The following ANK3 variants were observed in gnomAD, a reference collection of about 807,000 sequenced individuals.
ANK3 encodes the protein ankyrin-3.
ANK3 carries 57 observed loss-of-function variants against 370.9 expected under a neutral mutation model. The observed-to-expected ratio is 0.15, with a 90% CI of 0.12 to 0.19. The LOEUF (loss-of-function observed/expected upper bound fraction) is 0.19, where lower values mean the gene tolerates loss of function less well. Ranked by LOEUF, ANK3 falls within the 10% of genes least tolerant of loss-of-function variation. The probability of loss-of-function intolerance (pLI) is 1.00; values close to 1 mark genes in which losing one functional copy is unlikely to be tolerated. For synonymous variants in ANK3, 1,929 were observed against 1,946.3 expected (o/e 0.99, Z 0.23); for missense variants, 4,439 against 5,302.1 (o/e 0.84, Z 5.06).
rs560883914 is a variant in ANK3, at chr10:60,083,147, A to G, written c.4200+345T>C. On this transcript the variant is annotated intron_variant, in intron 33 of 43. Coordinates refer to ENST00000280772, the MANE Select transcript of ANK3 (RefSeq NM_020987.5). The stretch of plus-strand genomic sequence containing the variant: ...AGAACGTCCCTGGGCTCCACCAGAA[A>G]TGAAAATGAAACTTGAATACTGTAT... Among the ~76,000 whole-genome samples, 14 of 152,340 alleles carry G rather than the reference A, an allele frequency of 9.2e-5. No individual in the cohort carries two copies. In the South Asian group the frequency reaches 2.3e-3, roughly 25 times the overall value.
intron 38 of ANK3, among the ~76,000 whole-genome samples, chr10:60,065,904 A>C (rs1407315829): frequency 6.6e-6 from 1 of 152,178 alleles, no homozygotes; most frequent in Non-Finnish European, 1.5e-5. Flanking sequence ...TTATGCATTA[A>C]AACCAAGATC....
chr10:60,080,975 G>A (rs1263877447), intron 35 of ANK3, among the ~76,000 whole-genome samples: 1 of 152,228 alleles, frequency 6.6e-6, no homozygotes, highest in African/African-American at 2.4e-5. Context: ...GGCACACAAA[G>A]TTTATTATTC....
chr10:60,305,225 T>A (rs1034603799), intron 1 of ANK3, among the ~76,000 whole-genome samples: 2 of 152,136 alleles, frequency 1.3e-5, no homozygotes, highest in Non-Finnish European at 2.9e-5. Flanking sequence ...TGATGAAAAT[T>A]GCTGCGTTTT....
chr10:60,681,108 G>A (rs950241908), intron 1 of ANK3, among the ~76,000 whole-genome samples: 3 of 152,106 alleles, frequency 2.0e-5, no homozygotes, highest in African/African-American at 7.2e-5. Context: ...TCCAAGTCCT[G>A]CCAGTTCTAC....
At chr10:60,627,385 T>C (rs557975389) in intron 1 of ANK3, among the ~76,000 whole-genome samples, 2 of 151,224 alleles carry the variant, frequency 1.3e-5, no homozygotes, top group African/African-American at 4.8e-5. Context: ...CTTGACGTCG[T>C]TATTGTCCGT....
At chr10:60,716,866 A>G (rs2079798234) in intron 1 of ANK3, among the ~76,000 whole-genome samples, 1 of 152,156 alleles carries the variant, frequency 6.6e-6, no homozygotes, top group Non-Finnish European at 1.5e-5. Flanking sequence ...TCCATATTCA[A>G]TCTTCATTTA....
At chr10:60,601,170 A>AATGCAC (rs367892273) in intron 2 of ANK3, among the ~76,000 whole-genome samples, 2 of 140,186 alleles carry the variant, frequency 1.4e-5, no homozygotes, top group East Asian at 4.6e-4. Context: ...ACATTTATAC[A>AATGCAC]ACGCACACAC....
intron 25 of ANK3, among the ~76,000 whole-genome samples, chr10:60,126,790 T>A (rs12359197): frequency 0.27 from 41,505 of 152,158 alleles, 6,409 homozygotes; most frequent in Non-Finnish European, 0.35. Flanking sequence ...TTTACTTATT[T>A]CTAGAGAGAA....
chr10:60,555,708 G>A (rs1306697803), intron 2 of ANK3, among the ~76,000 whole-genome samples: 2 of 152,046 alleles, frequency 1.3e-5, no homozygotes, highest in Non-Finnish European at 2.9e-5. Flanking sequence ...TGGACCGGTA[G>A]ACTGTGGAAT....
rs1192136961 is a variant in ANK3, at chr10:60,055,654, G to A, written c.13065+4C>T. The A allele has an allele frequency of 1.3e-5, 20 of 1,597,104 alleles. No homozygotes were observed. The highest frequency in any genetic ancestry group is 3.4e-5 in the South Asian group (3 of 88,876). ...GACTGCTACCGGATGACCAGATGACGTACCTTTTGCTCAGACCCACTGGAC... is the reference window on the plus strand; with the variant it reads ...GACTGCTACCGGATGACCAGATGACATACCTTTTGCTCAGACCCACTGGAC... On this transcript the variant is annotated splice_donor_region_variant and intron_variant, in intron 42 of 43. Coordinates refer to ENST00000280772, the MANE Select transcript of ANK3 (RefSeq NM_020987.5).
rs565896400 is a variant in ANK3, at chr10:60,076,158, G to T, written c.4723C>A (p.Arg1575=). Residue 1575 remains arginine (R), a synonymous_variant, in exon 37 of 44, where the codon CGG becomes AGG. Transcript: ENST00000280772. ...SDVASPIRSF[R]TMSSPIKTVV... The stretch of plus-strand genomic sequence containing the variant: ...GTTTTTATCGGCGAAGACATTGTCC[G>T]AAAGGATCTAATTGGAGATGCCACG... 22 of 1,614,092 alleles carry T rather than the reference G, an allele frequency of 1.4e-5. No individual in the cohort carries two copies. Among genetic ancestry groups the T allele is most frequent in the Non-Finnish European group, 1.7e-5 (20 of 1,180,018 alleles).
rs2082753809 is a variant in ANK3 at position 60,071,842 on chromosome 10, T to C, written c.9039A>G (p.Glu3013=). 3 of 1,613,434 alleles carry C rather than the reference T, an allele frequency of 1.9e-6. No homozygotes were observed. The highest frequency in any genetic ancestry group is 2.5e-6 in the Non-Finnish European group (3 of 1,179,798). ...TVETQHFNSI[E]DEKVTYSEIS... is the part of the protein sequence containing the mutation. ...TTTCTGAATAGGTAACTTTTTCATC[T>C]TCTATAGAATTAAAGTGCTGTGTCT... Residue 3013 remains glutamate (E), a synonymous_variant, in exon 37 of 44, where the codon GAA becomes GAG. Coordinates refer to ENST00000280772, the MANE Select transcript of ANK3 (RefSeq NM_020987.5).
At chr10:60,445,012 T>TGA (rs2064405595) in intron 2 of ANK3, among the ~76,000 whole-genome samples, 1 of 152,208 alleles carries the variant, frequency 6.6e-6, no homozygotes, top group African/African-American at 2.4e-5. Context: ...ATTAGTGTTT[T>TGA]GAGAGAGAGT....
intron 17 of ANK3, 118 bp from the exon 18 acceptor site, chr10:60,181,545 A>G (rs1294588231): frequency 1.0e-5 from 10 of 953,494 alleles, no homozygotes; most frequent in Non-Finnish European, 1.6e-5. Flanking sequence ...TATGTTAGAA[A>G]AAACCTATGG....
At chr10:60,524,090 C>A (rs564872564) in intron 2 of ANK3, among the ~76,000 whole-genome samples, 3 of 152,186 alleles carry the variant, frequency 2.0e-5, no homozygotes, top group African/African-American at 7.2e-5. Flanking sequence ...TCCACCACTA[C>A]CATCTAAGTT....
Position 60,070,824 on chromosome 10 carries a change from T to C in ANK3, c.10057A>G (p.Lys3353Glu). ...QKEKPKASAEKASNQKELESN... is the reference protein window; with the variant it reads ...QKEKPKASAEEASNQKELESN... ...TCCAGTTCTTTCTGGTTGGAAGCCTTTTCAGCAGAAGCTTTGGGTTTTTCT... is the reference window on the plus strand; with the variant it reads ...TCCAGTTCTTTCTGGTTGGAAGCCTCTTCAGCAGAAGCTTTGGGTTTTTCT... Residue 3353 changes from lysine to glutamate, a missense_variant, in exon 37 of 44, where the codon AAG (lysine) becomes GAG (glutamate). This residue lies in a region of ANK3 where 1,601 missense variants were observed against 1,731.7 expected (regional missense o/e 0.92). Coordinates refer to ENST00000280772, the MANE Select transcript of ANK3 (RefSeq NM_020987.5). The surrounding 1 kb of genome is among the most constrained non-coding windows in gnomAD (Gnocchi z 5.7). The C allele has an allele frequency of 1.2e-6, 2 of 1,614,174 alleles. No homozygotes were observed. Among genetic ancestry groups the C allele is most frequent in the Non-Finnish European group, 1.7e-6 (2 of 1,180,020 alleles).
intron 2 of ANK3, among the ~76,000 whole-genome samples, chr10:60,402,286 A>G (rs1287916408): frequency 2.6e-5 from 4 of 152,162 alleles, no homozygotes; most frequent in African/African-American, 9.7e-5. Context: ...TAAAACTAAG[A>G]ATATAAATAA....
intron 23 of ANK3, among the ~76,000 whole-genome samples, chr10:60,143,661 G>A (rs141321426): frequency 3.9e-5 from 6 of 152,108 alleles, no homozygotes; most frequent in Admixed American, 1.3e-4. Flanking sequence ...TAAAATGCCC[G>A]CCTCACCCTT....
chr10:60,610,184 A>C (rs2078181777), intron 2 of ANK3, among the ~76,000 whole-genome samples: 1 of 152,192 alleles, frequency 6.6e-6, no homozygotes, highest in Non-Finnish European at 1.5e-5. Flanking sequence ...AGCATGAAAA[A>C]ATATTCTATC....
Sources: gnomAD v4.1 joint callset for allele counts (sites outside exome capture counted in the v4.1 genomes callset) on GRCh38, gnomAD v4.1.1 for gene constraint, gnomAD v4.1.1 regional missense constraint, Gnocchi (gnomAD v3.1) non-coding constraint, MANE v1.5 for transcripts, NCBI Gene and HGNC (gene_info 2026-07-23, HGNC 2026-07-21) for gene names.